The following CRELD1 variants were observed in gnomAD, a reference collection of about 807,000 sequenced individuals.
CRELD1 encodes CRELD disulfide isomerase 1.
CRELD1 carries 42 observed loss-of-function variants against 58.2 expected under a neutral mutation model. The ratio of observed to expected loss-of-function variants is 0.72; its 90% CI spans 0.56 to 0.93. The LOEUF (loss-of-function observed/expected upper bound fraction) is 0.93, where lower values mean the gene tolerates loss of function less well. Among genes scored for constraint, CRELD1 ranks in the 40% least tolerant of loss-of-function variants. The pLI, the probability that CRELD1 is intolerant of heterozygous loss-of-function variation, is 0.00. For missense variants in CRELD1, 500 were observed against 540.6 expected (o/e 0.92, Z 0.74); for synonymous variants, 222 against 202.0 (o/e 1.10, Z -0.84).
At chr3:9,939,924 C>T (rs1445755532) in intron 5 of CRELD1, among the ~76,000 whole-genome samples, 1 of 151,496 alleles carries the variant, frequency 6.6e-6, no homozygotes, top group South Asian at 2.1e-4. Flanking sequence ...CAGAGGCGCC[C>T]CTCACCTCCC....
intron 5 of CRELD1, among the ~76,000 whole-genome samples, chr3:9,940,279 A>T (rs2085322835): frequency 1.3e-5 from 2 of 152,290 alleles, no homozygotes; most frequent in South Asian, 4.1e-4. Flanking sequence ...GGCCGGGCAG[A>T]GGCTGCAATC....
intron 7 of CRELD1, among the ~76,000 whole-genome samples, chr3:9,941,443 T>G (rs962327449): frequency 3.3e-5 from 5 of 151,996 alleles, no homozygotes; most frequent in Non-Finnish European, 5.9e-5. Flanking sequence ...GAAGTGGTGA[T>G]GGGGAATCAG....
rs771191734 is a variant in CRELD1, at chr3:9,943,446, G to T, written c.979G>T (p.Gly327Cys). The T allele has an allele frequency of 4.3e-6, 7 of 1,614,064 alleles. No homozygotes were observed. The highest frequency in any genetic ancestry group is 5.1e-6 in the Non-Finnish European group (6 of 1,180,002). ...CAAGCAGTGTGAAAACACCGAGGGC[G>T]GTTATCGCTGCATCTGTGCCGAGGG... ...ENKQCENTEG[G>C]YRCICAEGYK... The change falls in exon 10 of 11, where the codon GGT becomes TGT. Residue 327 changes from glycine to cysteine, a missense_variant. By Grantham distance (159) the Gly-to-Cys change is radical (BLOSUM62 -3). Transcript: ENST00000452070.
At chr3:9,936,450 T>C (rs1559334931) in intron 3 of CRELD1, among the ~76,000 whole-genome samples, 1 of 152,010 alleles carries the variant, frequency 6.6e-6, no homozygotes, top group Admixed American at 6.6e-5. Context: ...ACATCAAATA[T>C]TTATATATGT....
rs2085471176 is a variant in CRELD1, at chr3:9,944,638, C to T, written c.*59C>T. On this transcript the variant is annotated 3_prime_UTR_variant, in exon 11 of 11. Transcript: ENST00000452070. Reference sequence around the variant, plus strand: ...CACGCTGCCCCCAGAGCTTGGGCTGCCCTCCTGCTGGACACTCAGGACAGC... The same window carrying T: ...CACGCTGCCCCCAGAGCTTGGGCTGTCCTCCTGCTGGACACTCAGGACAGC... 4.8e-6 allele frequency: 7 copies of T among 1,453,216 alleles called. No individual in the cohort carries two copies. The highest frequency in any genetic ancestry group is 1.9e-5 in the Admixed American group (1 of 51,508). The allele number at this position is 1,453,216 out of a possible 1,614,324, so 90.0% of individuals were successfully genotyped here.
rs779474663 is a variant in CRELD1, at chr3:9,939,728, ACTT to A, written c.461-1118_461-1116del. On this transcript the variant is annotated intron_variant, in intron 5 of 10. Coordinates refer to ENST00000452070, the MANE Select transcript of CRELD1 (RefSeq NM_001077415.3). Reference sequence around the variant, plus strand: ...ACAAAATGAAAAGTCTCCCGTGTCTACTTCTTTCTACACAGACACAGCAACCAT... The same window carrying A: ...ACAAAATGAAAAGTCTCCCGTGTCTACTTTCTACACAGACACAGCAACCAT... 3.6e-3 allele frequency among the ~76,000 whole-genome samples: 553 copies of A among 152,302 alleles called. 4 individuals carry two copies. The highest frequency in any genetic ancestry group is 5.0e-3 in the South Asian group (24 of 4,828).
rs2085480097 is a variant in CRELD1 at position 9,945,009 on chromosome 3, A to C, written c.*430A>C. ...ACTTATTTATTCATCTCAGGAAATA[A>C]AGAAAGGTCTTGGAAAGTTAAAAGG... On this transcript the variant is annotated 3_prime_UTR_variant, in exon 11 of 11. Coordinates refer to ENST00000452070, the MANE Select transcript of CRELD1 (RefSeq NM_001077415.3). 4.0e-6 allele frequency: 1 copy of C among 252,498 alleles called. No individual in the cohort carries two copies. The highest frequency in any genetic ancestry group is 2.2e-5 in the African/African-American group (1 of 45,506). The allele number at this position is 252,498 out of a possible 1,614,324, so 15.6% of individuals were successfully genotyped here. A position where few individuals can be genotyped will look rare whatever the true frequency, so the allele number is the denominator to read the frequency against.
In CRELD1 at chr3:9,941,074, T is replaced by G. The variant is rs570904711; in HGVS notation, c.638-37T>G. ...ACTGGGCAGGGGCAGATGGGGCACC[T>G]GCCTGCCCATCCTCATGCTGCCCCC... On this transcript the variant is annotated intron_variant, in intron 6 of 10. Transcript: ENST00000452070. The G allele has an allele frequency of 7.4e-6, 12 of 1,613,454 alleles. No homozygotes were observed. The Admixed American group carries it at 1.7e-4, about 22-fold the overall frequency.
intron 7 of CRELD1, among the ~76,000 whole-genome samples, chr3:9,941,677 C>T (rs1000665302): frequency 6.6e-6 from 1 of 150,500 alleles, no homozygotes; most frequent in African/African-American, 2.5e-5. Flanking sequence ...GTAGTCCCAG[C>T]TACTCAGGAG....
chr3:9,936,551 G>A (rs899999189), intron 3 of CRELD1, among the ~76,000 whole-genome samples: 1 of 148,474 alleles, frequency 6.7e-6, no homozygotes, highest in Non-Finnish European at 1.5e-5. Flanking sequence ...ATATATATGC[G>A]TATATATATA....
chr3:9,938,867 AAAAAG>A (rs2085269803), intron 5 of CRELD1, among the ~76,000 whole-genome samples: 2 of 152,146 alleles, frequency 1.3e-5, no homozygotes, highest in Non-Finnish European at 2.9e-5. Context: ...CTCAAAAAAA[AAAAAG>A]AAAATATTTG....
At position 9,937,706 on chromosome 3, in the gene CRELD1, C is replaced by T. The variant is rs138338095; in HGVS notation, c.368+34C>T. On this transcript the variant is annotated intron_variant, in intron 4 of 10. Transcript: ENST00000452070. ...CAAAGGGCCTTCCCTGGAAGTGGGT[C>T]ACAGGTGAGGCCTGGTGATAAGGCC... 801 of 1,446,998 alleles carry T rather than the reference C, an allele frequency of 5.5e-4. 5 individuals carry two copies. In the African/African-American group the frequency reaches 9.6e-3, roughly 17 times the overall value. 89.6% of individuals were successfully genotyped at this position (1,446,998 alleles called of 1,614,324 possible). A position where few individuals can be genotyped will look rare whatever the true frequency, so the allele number is the denominator to read the frequency against.
Position 9,944,001 on chromosome 3 carries a change from G to C in CRELD1, c.1049-364G>C, listed in dbSNP as rs748476213. ...ACATATGTAAAAATGAAGATGCAGAGAGATGAAGCTACTTTCCCAGGGCTA... is the reference window on the plus strand; with the variant it reads ...ACATATGTAAAAATGAAGATGCAGACAGATGAAGCTACTTTCCCAGGGCTA... On this transcript the variant is annotated intron_variant, in intron 10 of 10. Transcript: ENST00000452070. 1.7e-5 allele frequency: 17 copies of C among 972,138 alleles called. No individual in the cohort carries two copies. In the South Asian group the frequency reaches 2.0e-4, roughly 12 times the overall value. 60.2% of individuals were successfully genotyped at this position (972,138 alleles called of 1,614,324 possible). A position where few individuals can be genotyped will look rare whatever the true frequency, so the allele number is the denominator to read the frequency against.
chr3:9,944,151 C>T, intron 10 of CRELD1: 1 of 788,478 alleles, frequency 1.3e-6, no homozygotes, highest in Non-Finnish European at 2.3e-6. Flanking sequence ...AAGTCCAACC[C>T]CTTTACCTCT....
intron 5 of CRELD1, 184 bp downstream of exon 5, chr3:9,938,290 A>G: frequency 6.3e-6 from 4 of 637,160 alleles, no homozygotes; most frequent in South Asian, 1.7e-5. Context: ...GCTTGGAGAA[A>G]GCACAGGGGC....
intron 10 of CRELD1, chr3:9,943,766 T>G: frequency 6.3e-7 from 1 of 1,598,058 alleles, no homozygotes; most frequent in Middle Eastern, 1.7e-4. Flanking sequence ...TTTCCTCATC[T>G]ATCCAATGGG....
chr3:9,943,396 A>G lies in CRELD1; in HGVS notation c.929A>G (p.Glu310Gly). The change falls in exon 10 of 11, where the codon GAG (glutamate) becomes GGG (glycine). Residue 310 changes from glutamate (E) to glycine (G), a missense_variant. Transcript: ENST00000452070. Reference protein sequence around the residue: ...GSKCLDVDECETEVCPGENKQ... With the variant: ...GSKCLDVDECGTEVCPGENKQ... ...TCCCCTCAAGATGTGGATGAGTGTG[A>G]GACAGAGGTGTGTCCGGGAGAGAAC... 3 of 1,613,924 alleles carry G rather than the reference A, an allele frequency of 1.9e-6. No individual in the cohort carries two copies. Among genetic ancestry groups the G allele is most frequent in the Non-Finnish European group, 2.5e-6 (3 of 1,179,986 alleles).
chr3:9,938,599 C>T (rs1575639869), intron 5 of CRELD1: 2 of 164,348 alleles, frequency 1.2e-5, no homozygotes, highest in East Asian at 3.5e-4. Context: ...GTGGCTCACA[C>T]CTGTAATCCC....
intron 10 of CRELD1, 32 bp from the exon 11 acceptor site, chr3:9,944,333 A>G: frequency 1.3e-6 from 2 of 1,578,290 alleles, no homozygotes; most frequent in Non-Finnish European, 1.7e-6. Flanking sequence ...CAGGGATACG[A>G]GTGCCAGGCT....
Sources: gnomAD v4.1 joint callset for allele counts (sites outside exome capture counted in the v4.1 genomes callset) on GRCh38, gnomAD v4.1.1 for gene constraint, MANE v1.5 for transcripts, NCBI Gene and HGNC (gene_info 2026-07-23, HGNC 2026-07-21) for gene names.